The following TLR6 variants were observed in gnomAD, a reference collection of about 807,000 sequenced individuals.
TLR6 encodes toll-like receptor 6.
Under a neutral mutation model 16.1 loss-of-function variants are expected in TLR6, and 9 were observed. That is an observed-to-expected ratio of 0.56 (90% CI 0.34 to 0.98). The LOEUF (loss-of-function observed/expected upper bound fraction) is 0.98. Among genes scored for constraint, TLR6 ranks in the 50% least tolerant of loss-of-function variants. TLR6 has a pLI of 0.02. For missense variants in TLR6, 786 were observed against 921.0 expected (o/e 0.85, Z 1.90); for synonymous variants, 340 against 338.6 (o/e 1.00, Z -0.04).
upstream of TLR6, among the ~76,000 whole-genome samples, chr4:38,861,688 C>T (rs1713197195): frequency 6.6e-6 from 1 of 152,172 alleles, no homozygotes; most frequent in Non-Finnish European, 1.5e-5. Context: ...AGCCATCCTC[C>T]TACCCTCCTT....
Position 38,842,925 on chromosome 4 carries a change from A to T in TLR6, c.-64-13388T>A, listed in dbSNP as rs145076917. Among the ~76,000 whole-genome samples, 1,480 of 151,808 alleles carry T rather than the reference A, an allele frequency of 9.7e-3. 95 individuals carry two copies. The highest frequency in any genetic ancestry group is 0.082 in the Admixed American group (1,243 of 15,250). ...TGACACAATTCCCATTACAATGGGT[A>T]TTTTTCCAACCAACATTAGACTGCA... On this transcript the variant is annotated intron_variant, in intron 1 of 1. Transcript: ENST00000436693.
intron 1 of TLR6, among the ~76,000 whole-genome samples, chr4:38,832,834 G>A (rs1425224061): frequency 6.6e-6 from 1 of 152,148 alleles, no homozygotes; most frequent in African/African-American, 2.4e-5. Flanking sequence ...CTTTCCCTGG[G>A]ACAAAGGGAG....
At chr4:38,853,070 T>C (rs1230213185) in intron 1 of TLR6, among the ~76,000 whole-genome samples, 4 of 151,138 alleles carry the variant, frequency 2.6e-5, no homozygotes, top group African/African-American at 4.9e-5. Flanking sequence ...GATGAGTTCA[T>C]GTCCTTTGTA....
the TLR6 span, among the ~76,000 whole-genome samples, chr4:38,863,741 AG>A: frequency 6.6e-6 from 1 of 152,152 alleles, no homozygotes; most frequent in Non-Finnish European, 1.5e-5. Context: ...GGTGGTCAAA[AG>A]CATCATCATC....
chr4:38,858,832 GAAGAAAGA>G (rs71190999), upstream of TLR6, among the ~76,000 whole-genome samples: 9,383 of 50,714 alleles, frequency 0.19, 663 homozygotes, highest in Non-Finnish European at 0.23. Context: ...AGAGAGAGAG[GAAGAAAGA>G]AAGAAAGAAA....
rs137992076 is a variant in TLR6 at position 38,829,386 on chromosome 4, C to T, written c.88G>A (p.Asp30Asn). The T allele has an allele frequency of 6.1e-4, 986 of 1,614,004 alleles. 6 individuals carry two copies. Among genetic ancestry groups the T allele is most frequent in the African/African-American group, 6.1e-3 (456 of 75,020 alleles). Residue 30 changes from aspartate (D) to asparagine (N), a missense_variant, in exon 2 of 2, where the codon GAC becomes AAC. Transcript: ENST00000436693. ...TTGTCTACTGCAAATTCATTTCCGT[C>T]GGAGAACTGGATTCTGGTTCCAACT... is the stretch of plus-strand genomic sequence containing the variant.
upstream of TLR6, among the ~76,000 whole-genome samples, chr4:38,859,381 G>C (rs1713145645): frequency 6.6e-6 from 1 of 152,168 alleles, no homozygotes; most frequent in Non-Finnish European, 1.5e-5. Flanking sequence ...AGAACTCTGA[G>C]AGAATGAATT....
intron 1 of TLR6, among the ~76,000 whole-genome samples, chr4:38,833,611 A>G (rs1711745307): frequency 6.6e-6 from 1 of 152,222 alleles, no homozygotes; most frequent in Non-Finnish European, 1.5e-5. Flanking sequence ...AGATCCATAG[A>G]TATCAACATA....
At chr4:38,861,021 A>T (rs1478956437), upstream of TLR6, among the ~76,000 whole-genome samples, 1 of 152,130 alleles carries the variant, frequency 6.6e-6, no homozygotes, top group Non-Finnish European at 1.5e-5. Context: ...GCCTGAGCAC[A>T]GCGCCCTCTA....
At chr4:38,866,484 C>T in the TLR6 span, among the ~76,000 whole-genome samples, 7 of 151,548 alleles carry the variant, frequency 4.6e-5, no homozygotes, top group African/African-American at 1.7e-4. Context: ...CAGAGCAAGA[C>T]TCCATCTCAA....
At position 38,833,353 on chromosome 4, in the gene TLR6, G is replaced by A. The variant is rs1361747644; in HGVS notation, c.-64-3816C>T. 3.9e-5 allele frequency among the ~76,000 whole-genome samples: 6 copies of A among 152,216 alleles called. No individual in the cohort carries two copies. The South Asian group carries it at 1.0e-3, about 26-fold the overall frequency. On this transcript the variant is annotated intron_variant, in intron 1 of 1. Transcript: ENST00000436693. Reference sequence around the variant, plus strand: ...TGTTGCCTGAGAACAGGCCTGCCTGGTGTCCCCATCCCCAGCAAAGCCTTG... The same window carrying A: ...TGTTGCCTGAGAACAGGCCTGCCTGATGTCCCCATCCCCAGCAAAGCCTTG...
At chr4:38,840,482 G>C (rs967268995) in intron 1 of TLR6, among the ~76,000 whole-genome samples, 5 of 151,706 alleles carry the variant, frequency 3.3e-5, no homozygotes, top group Non-Finnish European at 7.4e-5. Flanking sequence ...AAAAATACAA[G>C]AATTAGCTGG....
chr4:38,828,394 A>G, exon 2 of TLR6: 1 of 1,613,028 alleles, frequency 6.2e-7, no homozygotes, highest in Non-Finnish European at 8.5e-7. Flanking sequence ...CGTTCTGGGT[A>G]AAGTTCAAAA....
chr4:38,840,408 T>C lies in TLR6; in HGVS notation c.-64-10871A>G, dbSNP rs550920009. ...CAGCACTTTGGGAGGCTGAGGCCCA[T>C]GGATCACGAGGTCAGGAGTTCGAGA... On this transcript the variant is annotated intron_variant, in intron 1 of 1. Transcript: ENST00000436693. 5.9e-5 allele frequency among the ~76,000 whole-genome samples: 9 copies of C among 151,980 alleles called. No homozygotes were observed. The South Asian group carries it at 1.7e-3, about 28-fold the overall frequency.
At chr4:38,831,005 CAG>C (rs1347740861) in intron 1 of TLR6, among the ~76,000 whole-genome samples, 4 of 139,094 alleles carry the variant, frequency 2.9e-5, no homozygotes, top group Non-Finnish European at 6.3e-5. Flanking sequence ...TGCAAAGAAA[CAG>C]AAAGTATTGT....
chr4:38,833,174 G>A (rs543048432), intron 1 of TLR6, among the ~76,000 whole-genome samples: 2 of 152,246 alleles, frequency 1.3e-5, no homozygotes, highest in Non-Finnish European at 2.9e-5. Flanking sequence ...AATTGTGCAG[G>A]GGCCCAAGAA....
At chr4:38,840,905 A>G (rs1712227784) in intron 1 of TLR6, among the ~76,000 whole-genome samples, 1 of 152,236 alleles carries the variant, frequency 6.6e-6, no homozygotes, top group African/African-American at 2.4e-5. Flanking sequence ...CAGTGCCCTG[A>G]AAGAAATAAA....
chr4:38,862,719 C>T, the TLR6 span, among the ~76,000 whole-genome samples: 1 of 151,470 alleles, frequency 6.6e-6, no homozygotes, highest in Non-Finnish European at 1.5e-5. Flanking sequence ...CCTCAGCCTC[C>T]CGAGTAGCTG....
intron 1 of TLR6, among the ~76,000 whole-genome samples, chr4:38,855,194 A>C (rs1158744508): frequency 1.3e-5 from 2 of 149,034 alleles, no homozygotes; most frequent in Non-Finnish European, 3.0e-5. Flanking sequence ...CCTGGGCGAC[A>C]GAGCAAGACT....
Sources: allele counts gnomAD v4.1 joint callset (sites outside exome capture counted in the v4.1 genomes callset), GRCh38; gene constraint gnomAD v4.1.1; transcripts MANE v1.5; gene names NCBI Gene and HGNC (gene_info 2026-07-23, HGNC 2026-07-21).